The following DNAH9 variants were observed in gnomAD, a reference collection of about 807,000 sequenced individuals.
The protein encoded by DNAH9 is dynein axonemal heavy chain 9, also known as DNAH9 variant protein.
In DNAH9, 345 loss-of-function variants were observed where a neutral mutation model predicts 471.6. The observed-to-expected ratio is 0.73, with a 90% CI of 0.67 to 0.80. The LOEUF (loss-of-function observed/expected upper bound fraction) is 0.80, where lower values mean the gene tolerates loss of function less well. Ranked by LOEUF, DNAH9 falls within the 30% of genes least tolerant of loss-of-function variation. The pLI, the probability that DNAH9 is intolerant of heterozygous loss-of-function variation, is 0.00. For missense variants in DNAH9, 5,407 were observed against 5,609.2 expected (o/e 0.96, Z 1.15); for synonymous variants, 2,093 against 2,123.6 (o/e 0.99, Z 0.40).
At chr17:11,727,047 CAAAAAAAAAAAA>C (rs55659834) in intron 27 of DNAH9, among the ~76,000 whole-genome samples, 17 of 68,474 alleles carry the variant, frequency 2.5e-4, no homozygotes, top group African/African-American at 1.1e-3. Context: ...GACTCCGTCT[CAAAAAAAAAAAA>C]AAAAAAAAAA....
rs972944612 is a variant in DNAH9 at position 11,892,726 on chromosome 17, G to C, written c.11283+779G>C. 6.6e-6 allele frequency among the ~76,000 whole-genome samples: 1 copy of C among 151,826 alleles called. No individual in the cohort carries two copies. The highest frequency in any genetic ancestry group is 2.4e-5 in the African/African-American group (1 of 41,310). Reference sequence around the variant, plus strand: ...CCACCAGGCCCAGCGAATTTTTTTTGTATTTTAAGTAGAGATGGGGTTTCA... The same window carrying C: ...CCACCAGGCCCAGCGAATTTTTTTTCTATTTTAAGTAGAGATGGGGTTTCA... On this transcript the variant is annotated intron_variant, in intron 58 of 68. Transcript: ENST00000262442. The surrounding 1 kb of genome is among the most constrained non-coding windows in gnomAD (Gnocchi z 4.3).
chr17:11,787,496 T>C (rs1968914743), intron 41 of DNAH9, among the ~76,000 whole-genome samples: 1 of 152,210 alleles, frequency 6.6e-6, no homozygotes, highest in African/African-American at 2.4e-5. Flanking sequence ...TTGAAGGGTA[T>C]AGAGGGTGGT....
At chr17:11,739,990 G>T (rs997245740) in intron 29 of DNAH9, among the ~76,000 whole-genome samples, 1 of 152,140 alleles carries the variant, frequency 6.6e-6, no homozygotes, top group Non-Finnish European at 1.5e-5. Flanking sequence ...ATAGGAGATC[G>T]CTGGGCAGCT....
intron 50 of DNAH9, among the ~76,000 whole-genome samples, chr17:11,857,023 C>G (rs1162454053): frequency 1.3e-5 from 2 of 152,112 alleles, no homozygotes; most frequent in Admixed American, 6.6e-5. Flanking sequence ...CCATGTCCAG[C>G]CCATATTCCT....
chr17:11,619,333 C>T (rs2072807045), intron 5 of DNAH9, among the ~76,000 whole-genome samples: 1 of 152,208 alleles, frequency 6.6e-6, no homozygotes, highest in South Asian at 2.1e-4. Context: ...GGCTACTTGC[C>T]CATTCCTGAG....
intron 49 of DNAH9, among the ~76,000 whole-genome samples, chr17:11,847,674 G>A (rs1220058986): frequency 2.6e-5 from 4 of 152,138 alleles, no homozygotes; most frequent in Non-Finnish European, 5.9e-5. Context: ...AAAAGCTCTC[G>A]TGAATTGTAC....
chr17:11,838,908 T>C (rs1454744046), intron 49 of DNAH9, among the ~76,000 whole-genome samples: 1 of 152,232 alleles, frequency 6.6e-6, no homozygotes, highest in Non-Finnish European at 1.5e-5. Flanking sequence ...CTCTGTTTTC[T>C]CATTATTTTC....
At chr17:11,611,415 C>T (rs1195467964) in intron 3 of DNAH9, among the ~76,000 whole-genome samples, 1 of 152,230 alleles carries the variant, frequency 6.6e-6, no homozygotes, top group African/African-American at 2.4e-5. Flanking sequence ...TTTTGAGCCA[C>T]CAGATGGTCA....
At position 11,796,054 on chromosome 17, in the gene DNAH9, T is replaced by C. The variant is rs1163974356; in HGVS notation, c.8224-1543T>C. 2.0e-5 allele frequency among the ~76,000 whole-genome samples: 3 copies of C among 152,328 alleles called. No individual in the cohort carries two copies. In the East Asian group the frequency reaches 5.8e-4, roughly 29 times the overall value. ...ATTAAGGAATCTTTGATTCACTGAG[T>C]TGGTTGATTTTCTCTCTGCCTTCTA... On this transcript the variant is annotated intron_variant, in intron 42 of 68. Coordinates refer to ENST00000262442, the MANE Select transcript of DNAH9 (RefSeq NM_001372.4).
At chr17:11,774,749 A>G (rs1256768219) in intron 38 of DNAH9, among the ~76,000 whole-genome samples, 11 of 152,160 alleles carry the variant, frequency 7.2e-5, no homozygotes, top group African/African-American at 2.4e-4. Context: ...TCTATTTCAT[A>G]TATTTTCGCT....
Position 11,822,041 on chromosome 17 carries a change from T to C in DNAH9, c.8829T>C (p.Asp2943=). Residue 2943 remains aspartate (D), a synonymous_variant, in exon 46 of 69, where the codon GAT becomes GAC. Transcript: ENST00000262442. ...AGAACTGTTGGAAGTTCTTTATAGA[T>C]CGGATCCGGCGACAGCTGAAGGTAA... ...NRENCWKFFI[D]RIRRQLKVTL... is the part of the protein sequence containing the mutation. The C allele has an allele frequency of 6.2e-7, 1 of 1,613,482 alleles. No homozygotes were observed. Among genetic ancestry groups the C allele is most frequent in the Non-Finnish European group, 8.5e-7 (1 of 1,179,804 alleles).
chr17:11,809,437 C>T (rs1335186261), intron 44 of DNAH9, among the ~76,000 whole-genome samples: 2 of 151,928 alleles, frequency 1.3e-5, no homozygotes, highest in African/African-American at 4.8e-5. Flanking sequence ...CGTTGTGGCA[C>T]GCACCTGTAG....
chr17:11,674,281 T>C (rs1009503930), intron 17 of DNAH9, among the ~76,000 whole-genome samples: 1 of 152,186 alleles, frequency 6.6e-6, no homozygotes, highest in Non-Finnish European at 1.5e-5. Context: ...AGAGTATGCA[T>C]ATAATGCCAA....
At chr17:11,763,685 AT>A in intron 36 of DNAH9, 71 bp downstream of exon 36, 1 of 1,441,344 alleles carries the variant, frequency 6.9e-7, no homozygotes, top group Non-Finnish European at 9.5e-7. Flanking sequence ...TTTAGCAAAG[AT>A]TTGGAAGACA....
chr17:11,840,602 G>A (rs1386544135), intron 49 of DNAH9, among the ~76,000 whole-genome samples: 4 of 152,156 alleles, frequency 2.6e-5, no homozygotes, highest in African/African-American at 9.7e-5. Flanking sequence ...GCATGTGAAT[G>A]TTGCCTCATA....
intron 17 of DNAH9, among the ~76,000 whole-genome samples, chr17:11,677,673 T>C (rs1317304384): frequency 6.6e-6 from 1 of 152,176 alleles, no homozygotes; most frequent in East Asian, 1.9e-4. Flanking sequence ...TTTTATTATG[T>C]TCTTTTAGTT....
intron 49 of DNAH9, among the ~76,000 whole-genome samples, chr17:11,841,564 CAT>C (rs1971034398): frequency 6.6e-6 from 1 of 152,088 alleles, no homozygotes; most frequent in African/African-American, 2.4e-5. Context: ...AGCAATCAGA[CAT>C]GTATTTGTCT....
chr17:11,822,846 A>T lies in DNAH9; in HGVS notation c.9058A>T (p.Thr3020Ser). The change falls in exon 48 of 69, where the codon ACA becomes TCA. Residue 3020 changes from threonine (T) to serine (S), a missense_variant. By Grantham distance (58) the Thr-to-Ser change is moderately conservative (BLOSUM62 1). Coordinates refer to ENST00000262442, the MANE Select transcript of DNAH9 (RefSeq NM_001372.4). Reference sequence around the variant, plus strand: ...TAGCAAATTCATGGCCTTTGTCCACACAAGTGTCAACCAAACATCCCAGTC... The same window carrying T: ...TAGCAAATTCATGGCCTTTGTCCACTCAAGTGTCAACCAAACATCCCAGTC... Reference protein sequence around the residue: ...SISKFMAFVHTSVNQTSQSYL... With the variant: ...SISKFMAFVHSSVNQTSQSYL... 1 of 1,614,230 alleles carries T rather than the reference A, an allele frequency of 6.2e-7. No individual in the cohort carries two copies. The highest frequency in any genetic ancestry group is 8.5e-7 in the Non-Finnish European group (1 of 1,180,046).
chr17:11,604,600 G>C (rs75821611), intron 1 of DNAH9, among the ~76,000 whole-genome samples: 10,183 of 152,152 alleles, frequency 0.067, 386 homozygotes, highest in African/African-American at 0.093. Flanking sequence ...TATCTTCTCT[G>C]AAGATCTTAC....
Sources: allele counts gnomAD v4.1 joint callset (sites outside exome capture counted in the v4.1 genomes callset), GRCh38; gene constraint gnomAD v4.1.1; non-coding constraint Gnocchi (gnomAD v3.1); transcripts MANE v1.5; gene names NCBI Gene and HGNC (gene_info 2026-07-23, HGNC 2026-07-21).